Variants in SYN2 observed in about 807,000 individuals in gnomAD.
The protein encoded by SYN2 is synapsin II.
A neutral mutation model predicts 50.9 loss-of-function variants in SYN2; 19 were observed. The ratio of observed to expected loss-of-function variants is 0.37; its 90% CI spans 0.26 to 0.55. The LOEUF (loss-of-function observed/expected upper bound fraction) is 0.55, where lower values mean the gene tolerates loss of function less well. SYN2 is among the 20% of genes least tolerant of loss of function. SYN2 has a pLI of 0.81. For synonymous variants in SYN2, 255 were observed against 224.9 expected (o/e 1.13, Z -1.20); for missense variants, 587 against 576.4 (o/e 1.02, Z -0.19).
At chr3:12,076,943 T>A (rs1010824668) in intron 1 of SYN2, among the ~76,000 whole-genome samples, 2 of 152,128 alleles carry the variant, frequency 1.3e-5, no homozygotes, top group African/African-American at 4.8e-5. Context: ...TGTGTGGTTT[T>A]AGATGGAAGA....
chr3:12,160,066 A>AAAG (rs1697608404), intron 5 of SYN2, among the ~76,000 whole-genome samples: 1 of 142,488 alleles, frequency 7.0e-6, no homozygotes, highest in East Asian at 2.1e-4. Context: ...AAAAAAAAAA[A>AAAG]GTAAAAGAAA....
intron 1 of SYN2, among the ~76,000 whole-genome samples, chr3:12,013,402 A>T (rs984930000): frequency 6.6e-6 from 1 of 151,928 alleles, no homozygotes; most frequent in African/African-American, 2.4e-5. Flanking sequence ...TATACTGCAT[A>T]TTCTCCCTGG....
At chr3:12,132,157 C>CCATA (rs1696810380) in intron 1 of SYN2, among the ~76,000 whole-genome samples, 1 of 151,726 alleles carries the variant, frequency 6.6e-6, no homozygotes, top group South Asian at 2.1e-4. Flanking sequence ...CAGGCACATG[C>CCATA]CATAGCACTC....
chr3:12,143,381 A>G (rs934921243), intron 3 of SYN2, among the ~76,000 whole-genome samples: 2 of 152,176 alleles, frequency 1.3e-5, no homozygotes, highest in African/African-American at 2.4e-5. Context: ...CTAGTGTTCC[A>G]TCGCCAAAAT....
At chr3:12,155,798 C>T (rs976031482) in intron 5 of SYN2, among the ~76,000 whole-genome samples, 5 of 152,152 alleles carry the variant, frequency 3.3e-5, no homozygotes, top group Admixed American at 2.0e-4. Context: ...TGCCTAGCAG[C>T]GGGCTAGACA....
intron 5 of SYN2, among the ~76,000 whole-genome samples, chr3:12,160,262 CT>C (rs1697616963): frequency 6.6e-6 from 1 of 152,074 alleles, no homozygotes; most frequent in Non-Finnish European, 1.5e-5. Context: ...AGCTTTGTGA[CT>C]TTTGCCTCTC....
intron 1 of SYN2, among the ~76,000 whole-genome samples, chr3:12,090,904 AT>A (rs2125181446): frequency 6.6e-6 from 1 of 152,312 alleles, no homozygotes; most frequent in South Asian, 2.1e-4. Flanking sequence ...TGATAGATGT[AT>A]TTAAAATGTT....
At chr3:12,065,036 A>T (rs1202913621) in intron 1 of SYN2, among the ~76,000 whole-genome samples, 1 of 152,200 alleles carries the variant, frequency 6.6e-6, no homozygotes, top group Non-Finnish European at 1.5e-5. Flanking sequence ...TTCAGCAGTA[A>T]AATGGAATTA....
chr3:12,156,504 A>C (rs1225330571), intron 5 of SYN2, among the ~76,000 whole-genome samples: 1 of 152,236 alleles, frequency 6.6e-6, no homozygotes, highest in African/African-American at 2.4e-5. Flanking sequence ...CTTCGACTCA[A>C]GTTGCCAAAA....
intron 1 of SYN2, among the ~76,000 whole-genome samples, chr3:12,048,827 G>A (rs1574909208): frequency 6.6e-6 from 1 of 152,172 alleles, no homozygotes; most frequent in Admixed American, 6.5e-5. Flanking sequence ...TCAAATCTAA[G>A]TTTGTCCAAT....
intron 1 of SYN2, among the ~76,000 whole-genome samples, chr3:12,116,688 G>A (rs1023125366): frequency 6.6e-6 from 1 of 152,118 alleles, no homozygotes; most frequent in East Asian, 1.9e-4. Flanking sequence ...TTTTGGAGAG[G>A]GTTCCCCTTT....
At position 12,132,612 on chromosome 3, in the gene SYN2, CAG is replaced by C. The variant is rs554892222; in HGVS notation, c.378-8036_378-8035del. Among the ~76,000 whole-genome samples, 25 of 152,274 alleles carry C rather than the reference CAG, an allele frequency of 1.6e-4. No homozygotes were observed. In the East Asian group the frequency reaches 4.1e-3, roughly 25 times the overall value. On this transcript the variant is annotated intron_variant, in intron 1 of 12. Transcript: ENST00000621198. ...CTCATTATTTTAGCTTTACTAAAAT[CAG>C]AGTCATTTCATTTTGTTCTGTTTTT... is the stretch of plus-strand genomic sequence containing the variant.
At chr3:12,074,708 A>G (rs541031650) in intron 1 of SYN2, among the ~76,000 whole-genome samples, 4 of 152,192 alleles carry the variant, frequency 2.6e-5, no homozygotes, top group South Asian at 2.1e-4. Flanking sequence ...CCTACTCCCT[A>G]TATTTAGTTG....
intron 1 of SYN2, among the ~76,000 whole-genome samples, chr3:12,124,891 G>C (rs764733140): frequency 6.6e-6 from 1 of 152,170 alleles, no homozygotes; most frequent in African/African-American, 2.4e-5. Context: ...GATTTCAACA[G>C]TGTATATTAA....
intron 1 of SYN2, among the ~76,000 whole-genome samples, chr3:12,088,690 T>C (rs1695763641): frequency 6.6e-6 from 1 of 152,176 alleles, no homozygotes; most frequent in Non-Finnish European, 1.5e-5. Flanking sequence ...ATATACACAA[T>C]GGAATACTAT....
At chr3:12,025,083 G>A (rs1694226069) in intron 1 of SYN2, among the ~76,000 whole-genome samples, 1 of 152,110 alleles carries the variant, frequency 6.6e-6, no homozygotes, top group Non-Finnish European at 1.5e-5. Flanking sequence ...GCTTGTAGAC[G>A]GCACCTTCTT....
chr3:12,182,247 C>T (rs1164592122), intron 10 of SYN2, among the ~76,000 whole-genome samples: 1 of 152,110 alleles, frequency 6.6e-6, no homozygotes, highest in African/African-American at 2.4e-5. Flanking sequence ...GGCTGAGGGG[C>T]ACATCAAGAG....
chr3:12,185,495 T>C (rs1025590390), intron 11 of SYN2: 6 of 985,774 alleles, frequency 6.1e-6, no homozygotes, highest in Admixed American at 6.1e-5. Flanking sequence ...CTGACTGTTA[T>C]GTGCCCTCAG....
chr3:12,183,547 C>T, intron 11 of SYN2, 175 bp downstream of exon 11: 4 of 1,529,492 alleles, frequency 2.6e-6, no homozygotes, highest in Non-Finnish European at 3.5e-6. Flanking sequence ...TTGCTGCGTT[C>T]TTTCAATGCT....
Sources: allele counts gnomAD v4.1 joint callset (sites outside exome capture counted in the v4.1 genomes callset), GRCh38; gene constraint gnomAD v4.1.1; transcripts MANE v1.5; gene names NCBI Gene and HGNC (gene_info 2026-07-23, HGNC 2026-07-21).